Variants in TRRAP observed in about 807,000 individuals in gnomAD.
TRRAP encodes transformation/transcription domain-associated protein.
In TRRAP, 41 loss-of-function variants were observed where a neutral mutation model predicts 438.8. That is an observed-to-expected ratio of 0.09 (90% CI 0.07 to 0.12). TRRAP has a LOEUF of 0.12. Among genes scored for constraint, TRRAP ranks in the 10% least tolerant of loss-of-function variants. TRRAP has a pLI of 1.00. For missense variants in TRRAP, 3,122 were observed against 5,055.1 expected, an observed-to-expected ratio of 0.62 and a Z score of 11.60; for synonymous variants, 1,994 against 1,962.9, an observed-to-expected ratio of 1.02 and a Z score of -0.42.
intron 2 of TRRAP, chr7:98,881,770 C>T (rs1404172313): frequency 3.9e-5 from 21 of 538,274 alleles, no homozygotes; most frequent in Middle Eastern, 2.7e-4. Context: ...TGTGTATATG[C>T]TTGTCAGTGC....
In TRRAP at chr7:98,956,105, A is replaced by C; in HGVS notation, c.5938-41A>C. On this transcript the variant is annotated intron_variant, in intron 41 of 72. Transcript: ENST00000456197. This position sits in a 1 kb window ranked among gnomAD's most constrained non-coding sequence, Gnocchi z 4.5. ...CACACGTGCATGCACTGTGGGACCA[A>C]GCTCCCATGTTCCGGCGTGATGCTG... The C allele has an allele frequency of 7.4e-6, 11 of 1,478,902 alleles. No homozygotes were observed. Among genetic ancestry groups the C allele is most frequent in the Non-Finnish European group, 9.8e-6 (11 of 1,118,022 alleles). 91.6% of individuals were successfully genotyped at this position (1,478,902 alleles called of 1,614,324 possible).
At chr7:98,928,517 A>G (rs1249920751) in intron 23 of TRRAP, among the ~76,000 whole-genome samples, 1 of 152,154 alleles carries the variant, frequency 6.6e-6, no homozygotes, top group East Asian at 1.9e-4. Context: ...GTTCTTTGTT[A>G]ACATTGTCTT....
chr7:98,931,741 G>C, intron 26 of TRRAP, 76 bp downstream of exon 26: 1 of 1,555,812 alleles, frequency 6.4e-7, no homozygotes, highest in East Asian at 2.3e-5. Context: ...GAGTTGAGGT[G>C]ATACTCCGTT....
chr7:98,997,196 C>T (rs1327416266), intron 67 of TRRAP, among the ~76,000 whole-genome samples: 1 of 151,864 alleles, frequency 6.6e-6, no homozygotes, highest in Non-Finnish European at 1.5e-5. Flanking sequence ...ATCCCAGCTA[C>T]TCAGGAGGCT....
At chr7:98,893,976 C>CTGTT in intron 6 of TRRAP, 95 bp downstream of exon 6, 1 of 1,125,138 alleles carries the variant, frequency 8.9e-7, no homozygotes, top group Non-Finnish European at 1.3e-6. Context: ...TGAACACATA[C>CTGTT]TGTTTTCAAG....
At chr7:98,911,814 G>A (rs1789290175) in intron 17 of TRRAP, among the ~76,000 whole-genome samples, 3 of 151,860 alleles carry the variant, frequency 2.0e-5, no homozygotes, top group African/African-American at 7.3e-5. Flanking sequence ...TTGATGATGA[G>A]GATGAAATAA....
At chr7:98,915,084 A>G (rs1393763270) in intron 18 of TRRAP, among the ~76,000 whole-genome samples, 2 of 152,168 alleles carry the variant, frequency 1.3e-5, no homozygotes, top group African/African-American at 4.8e-5. Context: ...TTATACAAAA[A>G]TATTTTCCAA....
intron 45 of TRRAP, among the ~76,000 whole-genome samples, chr7:98,960,706 C>T (rs1196518082): frequency 6.6e-6 from 1 of 152,146 alleles, no homozygotes; most frequent in Non-Finnish European, 1.5e-5. Flanking sequence ...ATTCTCATGC[C>T]TCAACCTCCC....
intron 6 of TRRAP, among the ~76,000 whole-genome samples, chr7:98,895,025 G>A (rs1796140094): frequency 6.6e-6 from 1 of 151,992 alleles, no homozygotes; most frequent in Non-Finnish European, 1.5e-5. Context: ...GCTTGATCAT[G>A]TTAAGTGTAA....
At position 99,012,562 on chromosome 7, in the gene TRRAP, G is replaced by A; in HGVS notation, c.*207G>A. 3.2e-6 allele frequency: 2 copies of A among 624,354 alleles called. No homozygotes were observed. Among genetic ancestry groups the A allele is most frequent in the East Asian group, 2.9e-5 (1 of 34,490 alleles). The allele number at this position is 624,354 out of a possible 1,614,324, so 38.7% of individuals were successfully genotyped here. On this transcript the variant is annotated 3_prime_UTR_variant, in exon 73 of 73. Coordinates refer to ENST00000456197, the MANE Select transcript of TRRAP (RefSeq NM_001375524.1). This position sits in a 1 kb window ranked among gnomAD's most constrained non-coding sequence, Gnocchi z 5.9. ...AACTATGACGATGCTGGGCGAAGCG[G>A]TTGGAAATGGCAGAGCTGAAACTTA... is the stretch of plus-strand genomic sequence containing the variant.
chr7:98,962,171 T>C, intron 46 of TRRAP, 131 bp from the exon 47 acceptor site: 1 of 1,380,560 alleles, frequency 7.2e-7, no homozygotes, highest in South Asian at 1.3e-5. Flanking sequence ...AGGCCCACAC[T>C]GTCCTGCAGG....
rs372199282 is a variant in TRRAP, at chr7:99,011,532, T to C, written c.11334T>C (p.Phe3778=). The part of the protein sequence containing the change: ...AVARCFAQPN[F]KVDGILKTVL... ...CCCGGTGCTTCGCCCAGCCAAACTT[T>C]AAGGTGGGTCTCCACGTCGTCCTAT... The change falls in exon 72 of 73, where the codon TTT becomes TTC. Residue 3778 remains phenylalanine, a synonymous_variant. Coordinates refer to ENST00000456197, the MANE Select transcript of TRRAP (RefSeq NM_001375524.1). The surrounding 1 kb of genome is among the most constrained non-coding windows in gnomAD (Gnocchi z 7.1). 44 of 1,613,394 alleles carry C rather than the reference T, an allele frequency of 2.7e-5. No individual in the cohort carries two copies. Among genetic ancestry groups the C allele is most frequent in the Middle Eastern group, 1.6e-4 (1 of 6,082 alleles).
chr7:98,952,862 C>A (rs1008760835), intron 39 of TRRAP, among the ~76,000 whole-genome samples: 1 of 152,130 alleles, frequency 6.6e-6, no homozygotes, highest in East Asian at 1.9e-4. Flanking sequence ...CTGTAGCTCT[C>A]CTTAGGAACG....
chr7:99,010,933 C>T (rs1454893165), intron 70 of TRRAP, 119 bp from the exon 71 acceptor site: 39 of 1,049,990 alleles, frequency 3.7e-5, no homozygotes, highest in Non-Finnish European at 5.2e-5. Flanking sequence ...AATCTGTCAC[C>T]AGAATTTACA....
intron 53 of TRRAP, among the ~76,000 whole-genome samples, chr7:98,972,973 CTTTTG>C (rs1047713388): frequency 6.6e-6 from 1 of 151,762 alleles, no homozygotes; most frequent in African/African-American, 2.4e-5. Flanking sequence ...CCAGGCACTT[CTTTTG>C]TTTGTTTGTT....
At position 98,931,692 on chromosome 7, in the gene TRRAP, G is replaced by A. The variant is rs375974013; in HGVS notation, c.3852+27G>A. 2.2e-4 allele frequency: 350 copies of A among 1,592,854 alleles called. 3 individuals are homozygous for A. The highest frequency in any genetic ancestry group is 2.0e-3 in the South Asian group (176 of 88,816). On this transcript the variant is annotated intron_variant, in intron 26 of 72. Transcript: ENST00000456197. ...TGAGATTTCTGTCACCAGAACCAAGGTAATTTCAACAAAACTTTTGAGCCT... is the reference window on the plus strand; with the variant it reads ...TGAGATTTCTGTCACCAGAACCAAGATAATTTCAACAAAACTTTTGAGCCT...
At position 98,882,346 on chromosome 7, in the gene TRRAP, CTTTCTTTCT is replaced by C. The variant is rs1212116371; in HGVS notation, c.150+335_150+343del. The stretch of plus-strand genomic sequence containing the variant: ...CACTCAGATTTATTCTTGTACTTTT[CTTTCTTTCT>C]TTTCTTTCTTTTTTTTTTTTTTTTG... On this transcript the variant is annotated intron_variant, in intron 3 of 72. Coordinates refer to ENST00000456197, the MANE Select transcript of TRRAP (RefSeq NM_001375524.1). Among the ~76,000 whole-genome samples the C allele has an allele frequency of 4.8e-4, 72 of 149,002 alleles. 1 individual carries two copies. The highest frequency in any genetic ancestry group is 1.7e-3 in the African/African-American group (69 of 40,796).
chr7:98,975,166 A>G (rs1297467449), intron 53 of TRRAP, among the ~76,000 whole-genome samples: 1 of 152,242 alleles, frequency 6.6e-6, no homozygotes, highest in African/African-American at 2.4e-5. Flanking sequence ...CAGCCTGATG[A>G]CAGATACTTA....
Position 98,921,216 on chromosome 7 carries a change from T to C in TRRAP, c.2623-537T>C, listed in dbSNP as rs189612522. ...GCTATTTATATTCCAGGAGCATGGATGAACATTTATGTTTACACAGGTACT... is the reference window on the plus strand; with the variant it reads ...GCTATTTATATTCCAGGAGCATGGACGAACATTTATGTTTACACAGGTACT... On this transcript the variant is annotated intron_variant, in intron 20 of 72. Transcript: ENST00000456197. Among the ~76,000 whole-genome samples, 210 of 152,354 alleles carry C rather than the reference T, an allele frequency of 1.4e-3. 2 individuals carry two copies. Among genetic ancestry groups the C allele is most frequent in the African/African-American group, 4.9e-3 (204 of 41,584 alleles).
Sources: gnomAD v4.1 joint callset for allele counts (sites outside exome capture counted in the v4.1 genomes callset) on GRCh38, gnomAD v4.1.1 for gene constraint, Gnocchi (gnomAD v3.1) non-coding constraint, MANE v1.5 for transcripts, NCBI Gene and HGNC (gene_info 2026-07-23, HGNC 2026-07-21) for gene names.